KBTBD7: variants seen among roughly 807,000 people sequenced by gnomAD.
KBTBD7 encodes the protein kelch repeat and BTB domain-containing protein 7.
In KBTBD7, 25 loss-of-function variants were observed where a neutral mutation model predicts 50.3. That is an observed-to-expected ratio of 0.50 (90% CI 0.36 to 0.69). KBTBD7 has a LOEUF of 0.69. Among genes scored for constraint, KBTBD7 ranks in the 30% least tolerant of loss-of-function variants. The probability of loss-of-function intolerance (pLI) is 0.00; values close to 1 mark genes in which losing one functional copy is unlikely to be tolerated. For synonymous variants in KBTBD7, 305 were observed against 325.3 expected (o/e 0.94, Z 0.67); for missense variants, 653 against 869.5 (o/e 0.75, Z 3.13).
Position 41,193,266 on chromosome 13 carries a change from G to A in KBTBD7, c.992C>T (p.Ala331Val). 2 of 1,613,170 alleles carry A rather than the reference G, an allele frequency of 1.2e-6. No individual in the cohort carries two copies. The highest frequency in any genetic ancestry group is 1.7e-6 in the Non-Finnish European group (2 of 1,179,444). The change falls in exon 1 of 1, where the codon GCA (alanine) becomes GTA (valine). Residue 331 changes from alanine (A) to valine (V), a missense_variant. Transcript: ENST00000379483. The surrounding 1 kb of genome is among the most constrained non-coding windows in gnomAD (Gnocchi z 5.7). Reference protein sequence around the residue: ...SSSSNSLVSAAENPPQRLGMC... With the variant: ...SSSSNSLVSAVENPPQRLGMC... ...ACCCAGTCTCTGGGGTGGATTTTCT[G>A]CTGCAGATACAAGAGAGTTGCTGCT... is the stretch of plus-strand genomic sequence containing the variant.
chr13:41,192,538 T>C lies in KBTBD7; in HGVS notation c.1720A>G (p.Thr574Ala), dbSNP rs775435165. The stretch of plus-strand genomic sequence containing the variant: ...CGGTTCTTTTTCCATTGTGGGGTTG[T>C]AGAAGTGATGAGAAGCAACTTTTGG... ...HDQKLLLITS[T>A]TPQWKKNRVT... Residue 574 changes from threonine to alanine, a missense_variant, in exon 1 of 1, where the codon ACA becomes GCA. This residue lies in a region of KBTBD7 where 526 missense variants were observed against 717.1 expected (regional missense o/e 0.73). Transcript: ENST00000379483. 1.9e-6 allele frequency: 3 copies of C among 1,614,240 alleles called. No homozygotes were observed. Among genetic ancestry groups the C allele is most frequent in the Non-Finnish European group, 2.5e-6 (3 of 1,180,048 alleles).
At position 41,192,581 on chromosome 13, in the gene KBTBD7, G is replaced by A. The variant is rs2031419695; in HGVS notation, c.1677C>T (p.Tyr559=). Residue 559 remains tyrosine, a synonymous_variant, in exon 1 of 1, where the codon TAC becomes TAT. Transcript: ENST00000379483. The stretch of plus-strand genomic sequence containing the variant: ...ACTTTTGGTCATGATTGACAATCTG[G>A]TAGTTGTGGGTCTCTGAATCCAAAG... ...NIPLDSETHN[Y]QIVNHDQKLL... is the part of the protein sequence containing the mutation. 1 of 1,614,024 alleles carries A rather than the reference G, an allele frequency of 6.2e-7. No homozygotes were observed.
rs1365658621 is a variant in KBTBD7, at chr13:41,189,997, G to GT, written c.*2205dup. 2 of 152,080 alleles carry GT rather than the reference G, an allele frequency of 1.3e-5. No homozygotes were observed. The highest frequency in any genetic ancestry group is 4.8e-5 in the African/African-American group (2 of 41,414). 9.4% of individuals were successfully genotyped at this position (152,080 alleles called of 1,614,324 possible). A position where few individuals can be genotyped will look rare whatever the true frequency, so the allele number is the denominator to read the frequency against. Reference sequence around the variant, plus strand: ...AAGACATTCCCACTATTTAGACTAGGTTTTAACTCAAAGGTTAAGAACTCA... The same window carrying GT: ...AAGACATTCCCACTATTTAGACTAGGTTTTTAACTCAAAGGTTAAGAACTCA... On this transcript the variant is annotated 3_prime_UTR_variant, in exon 1 of 1. Transcript: ENST00000379483.
At position 41,193,953 on chromosome 13, in the gene KBTBD7, C is replaced by T; in HGVS notation, c.305G>A (p.Gly102Asp). Reference sequence around the variant, plus strand: ...GGCCTGCTGGCTCTCGTACATGCCACCTGTGAACATGCTCTTGAAGTAGGG... The same window carrying T: ...GGCCTGCTGGCTCTCGTACATGCCATCTGTGAACATGCTCTTGAAGTAGGG... Reference protein sequence around the residue: ...ACPYFKSMFTGGMYESQQASV... With the variant: ...ACPYFKSMFTDGMYESQQASV... The change falls in exon 1 of 1, where the codon GGT becomes GAT. Residue 102 changes from glycine (G) to aspartate (D), a missense_variant. By Grantham distance (94) the Gly-to-Asp change is moderately conservative (BLOSUM62 -1). Around this residue, in one of 3 missense-constraint regions of KBTBD7, gnomAD observed 8 missense variants for 27.4 expected, o/e 0.29. Transcript: ENST00000379483. This position sits in a 1 kb window ranked among gnomAD's most constrained non-coding sequence, Gnocchi z 5.7. 1 of 1,614,012 alleles carries T rather than the reference C, an allele frequency of 6.2e-7. No individual in the cohort carries two copies. The highest frequency in any genetic ancestry group is 8.5e-7 in the Non-Finnish European group (1 of 1,179,930).
chr13:41,193,322 C>T lies in KBTBD7; in HGVS notation c.936G>A (p.Val312=), dbSNP rs2031440683. The change falls in exon 1 of 1, where the codon GTG becomes GTA. Residue 312 remains valine (V), a synonymous_variant. Transcript: ENST00000379483. This position sits in a 1 kb window ranked among gnomAD's most constrained non-coding sequence, Gnocchi z 5.7. The part of the protein sequence containing the change: ...RYGDLLYKSL[V]PVPNSSSSSS... ...TGCTGCTGCTGCTGTTTGGCACTGG[C>T]ACCAGAGACTTGTACAACAGGTCAC... 1 of 1,611,756 alleles carries T rather than the reference C, an allele frequency of 6.2e-7. No homozygotes were observed. Among genetic ancestry groups the T allele is most frequent in the East Asian group, 2.2e-5 (1 of 44,868 alleles).
At position 41,192,472 on chromosome 13, in the gene KBTBD7, T is replaced by C; in HGVS notation, c.1786A>G (p.Ile596Val). The C allele has an allele frequency of 6.2e-7, 1 of 1,614,230 alleles. No homozygotes were observed. The highest frequency in any genetic ancestry group is 8.5e-7 in the Non-Finnish European group (1 of 1,180,046). ...AGGCCTAACATGGTACCTATATTAA[T>C]CCACTGATCTTCCCTAGTATCATAC... ...YEYDTREDQW[I>V]NIGTMLGLLQ... Residue 596 changes from isoleucine (I) to valine (V), a missense_variant, in exon 1 of 1, where the codon ATT (isoleucine) becomes GTT (valine). Transcript: ENST00000379483.
chr13:41,193,536 T>C lies in KBTBD7; in HGVS notation c.722A>G (p.His241Arg), dbSNP rs779122641. Residue 241 changes from histidine to arginine, a missense_variant, in exon 1 of 1, where the codon CAT becomes CGT. By Grantham distance (29) the His-to-Arg change is conservative. Transcript: ENST00000379483. This position sits in a 1 kb window ranked among gnomAD's most constrained non-coding sequence, Gnocchi z 5.7. ...LDIESERTVC[H>R]VAVQWLEAAA... ...AGCCTCCAGCCACTGCACAGCTACA[T>C]GGCATACAGTCCGCTCACTCTCTAT... 1.7e-5 allele frequency: 28 copies of C among 1,614,076 alleles called. No individual in the cohort carries two copies. In the South Asian group the frequency reaches 2.4e-4, roughly 14 times the overall value.
Position 41,192,665 on chromosome 13 carries a change from G to A in KBTBD7, c.1593C>T (p.Ile531=). The change falls in exon 1 of 1, where the codon ATC becomes ATT. Residue 531 remains isoleucine (I), a synonymous_variant. Coordinates refer to ENST00000379483, the MANE Select transcript of KBTBD7 (RefSeq NM_032138.7). Reference sequence around the variant, plus strand: ...CTGGGTTGTAGACCTTCATGACTGGGATGTCACAGATACAATAGATTTCAT... The same window carrying A: ...CTGGGTTGTAGACCTTCATGACTGGAATGTCACAGATACAATAGATTTCAT... The part of the protein sequence containing the change: ...FNDEIYCICD[I]PVMKVYNPAR... The A allele has an allele frequency of 6.2e-7, 1 of 1,614,130 alleles. No individual in the cohort carries two copies. The highest frequency in any genetic ancestry group is 1.6e-4 in the Middle Eastern group (1 of 6,062).
In KBTBD7 at chr13:41,192,165, C is replaced by T. The variant is rs377194145; in HGVS notation, c.*38G>A. Reference sequence around the variant, plus strand: ...AACGATATGTGTTTAAAATACATTCCGTAGCAGTAGAAACATCTTAGTGTC... The same window carrying T: ...AACGATATGTGTTTAAAATACATTCTGTAGCAGTAGAAACATCTTAGTGTC... On this transcript the variant is annotated 3_prime_UTR_variant, in exon 1 of 1. Coordinates refer to ENST00000379483, the MANE Select transcript of KBTBD7 (RefSeq NM_032138.7). The T allele has an allele frequency of 3.9e-6, 6 of 1,550,170 alleles. No individual in the cohort carries two copies. Among genetic ancestry groups the T allele is most frequent in the East Asian group, 2.3e-5 (1 of 44,402 alleles).
In KBTBD7 at chr13:41,192,329, T is replaced by C; in HGVS notation, c.1929A>G (p.Glu643=). ...GCTCACTGAATCCATCTAAGTCCCATTCAGTACTAGACTCACTCCGTGCAT... is the reference window on the plus strand; with the variant it reads ...GCTCACTGAATCCATCTAAGTCCCACTCAGTACTAGACTCACTCCGTGCAT... ...EDDARSESST[E]WDLDGFSELD... is the part of the protein sequence containing the mutation. The change falls in exon 1 of 1, where the codon GAA becomes GAG. Residue 643 remains glutamate, a synonymous_variant. Coordinates refer to ENST00000379483, the MANE Select transcript of KBTBD7 (RefSeq NM_032138.7). 1.2e-6 allele frequency: 2 copies of C among 1,614,168 alleles called. No homozygotes were observed. The highest frequency in any genetic ancestry group is 1.7e-6 in the Non-Finnish European group (2 of 1,180,018).
rs1489194413 is a variant in KBTBD7, at chr13:41,190,784, C to T, written c.*1419G>A. 1 of 152,124 alleles carries T rather than the reference C, an allele frequency of 6.6e-6. No individual in the cohort carries two copies. Among genetic ancestry groups the T allele is most frequent in the Non-Finnish European group, 1.5e-5 (1 of 67,978 alleles). 9.4% of individuals were successfully genotyped at this position (152,124 alleles called of 1,614,324 possible). The stretch of plus-strand genomic sequence containing the variant: ...CCCCTTACATATGGTGACAGAGAGA[C>T]TGAAACATTGTTCACAGAGAAACAC... On this transcript the variant is annotated 3_prime_UTR_variant, in exon 1 of 1. Coordinates refer to ENST00000379483, the MANE Select transcript of KBTBD7 (RefSeq NM_032138.7).
rs1022926893 is a variant in KBTBD7 at position 41,192,120 on chromosome 13, C to G, written c.*83G>C. On this transcript the variant is annotated 3_prime_UTR_variant, in exon 1 of 1. Coordinates refer to ENST00000379483, the MANE Select transcript of KBTBD7 (RefSeq NM_032138.7). ...AAACCAAATCTGTGGTCCTAATCAA[C>G]TTTTTTTCCAAGAAAAAGAAACGAT... 3.5e-6 allele frequency: 5 copies of G among 1,421,924 alleles called. No homozygotes were observed. The African/African-American group carries it at 7.2e-5, about 20-fold the overall frequency. The allele number at this position is 1,421,924 out of a possible 1,614,324, so 88.1% of individuals were successfully genotyped here. A position where few individuals can be genotyped will look rare whatever the true frequency, so the allele number is the denominator to read the frequency against.
At position 41,194,011 on chromosome 13, in the gene KBTBD7, A is replaced by T; in HGVS notation, c.247T>A (p.Ser83Thr). 1 of 1,614,176 alleles carries T rather than the reference A, an allele frequency of 6.2e-7. No individual in the cohort carries two copies. The highest frequency in any genetic ancestry group is 8.5e-7 in the Non-Finnish European group (1 of 1,180,034). ...GSGPGTGRLF[S>T]CNRNVLAAAC... ...GCTGCTAGCACGTTGCGATTGCAGG[A>T]AAAGAGGCGACCCGTGCCAGGCCCG... The change falls in exon 1 of 1, where the codon TCC (serine) becomes ACC (threonine). Residue 83 changes from serine (S) to threonine (T), a missense_variant. By Grantham distance (58) the Ser-to-Thr change is moderately conservative (BLOSUM62 1). Coordinates refer to ENST00000379483, the MANE Select transcript of KBTBD7 (RefSeq NM_032138.7).
Position 41,192,539 on chromosome 13 carries a change from A to G in KBTBD7, c.1719T>C (p.Ser573=), listed in dbSNP as rs2031418922. 6.2e-7 allele frequency: 1 copy of G among 1,614,232 alleles called. No individual in the cohort carries two copies. Among genetic ancestry groups the G allele is most frequent in the Non-Finnish European group, 8.5e-7 (1 of 1,180,044 alleles). The change falls in exon 1 of 1, where the codon TCT becomes TCC. Residue 573 remains serine (S), a synonymous_variant. Transcript: ENST00000379483. ...NHDQKLLLIT[S]TTPQWKKNRV... ...GGTTCTTTTTCCATTGTGGGGTTGT[A>G]GAAGTGATGAGAAGCAACTTTTGGT...
At position 41,193,529 on chromosome 13, in the gene KBTBD7, A is replaced by T. The variant is rs2031447833; in HGVS notation, c.729T>A (p.Ala243=). ...TGGCAGCAGCCTCCAGCCACTGCAC[A>T]GCTACATGGCATACAGTCCGCTCAC... ...IESERTVCHV[A]VQWLEAAAKE... Residue 243 remains alanine (A), a synonymous_variant, in exon 1 of 1, where the codon GCT becomes GCA. Transcript: ENST00000379483. This position sits in a 1 kb window ranked among gnomAD's most constrained non-coding sequence, Gnocchi z 5.7. 1.2e-6 allele frequency: 2 copies of T among 1,614,224 alleles called. No homozygotes were observed. The highest frequency in any genetic ancestry group is 1.7e-6 in the Non-Finnish European group (2 of 1,180,042).
Position 41,190,563 on chromosome 13 carries a change from TAAAG to T in KBTBD7, c.*1636_*1639del, listed in dbSNP as rs2031360578. ...GAAGAGGAATTAGCATGTTATTGAA[TAAAG>T]AATCAGGAAGATAATTCTAATTGGG... On this transcript the variant is annotated 3_prime_UTR_variant, in exon 1 of 1. Transcript: ENST00000379483. 6.6e-6 allele frequency: 1 copy of T among 152,176 alleles called. No individual in the cohort carries two copies. Among genetic ancestry groups the T allele is most frequent in the Non-Finnish European group, 1.5e-5 (1 of 67,994 alleles). 9.4% of individuals were successfully genotyped at this position (152,176 alleles called of 1,614,324 possible).
At position 41,192,499 on chromosome 13, in the gene KBTBD7, C is replaced by T. The variant is rs779515656; in HGVS notation, c.1759G>A (p.Glu587Lys). ...CACTGATCTTCCCTAGTATCATACT[C>T]ATACACTGTCACTCGGTTCTTTTTC... ...QWKKNRVTVY[E>K]YDTREDQWIN... The change falls in exon 1 of 1, where the codon GAG becomes AAG. Residue 587 changes from glutamate to lysine, a missense_variant. Around this residue, in one of 3 missense-constraint regions of KBTBD7, gnomAD observed 526 missense variants for 717.1 expected, o/e 0.73. Coordinates refer to ENST00000379483, the MANE Select transcript of KBTBD7 (RefSeq NM_032138.7). 3 of 1,614,228 alleles carry T rather than the reference C, an allele frequency of 1.9e-6. No individual in the cohort carries two copies. The highest frequency in any genetic ancestry group is 3.3e-5 in the Admixed American group (2 of 60,030).
chr13:41,193,106 G>C lies in KBTBD7; in HGVS notation c.1152C>G (p.Ser384=), dbSNP rs2031433701. 1 of 1,614,218 alleles carries C rather than the reference G, an allele frequency of 6.2e-7. No homozygotes were observed. Among genetic ancestry groups the C allele is most frequent in the Non-Finnish European group, 8.5e-7 (1 of 1,180,036 alleles). ...TSFAHTKTVT[S]SAVCVSPDHD... ...GGTCTGGGGACACACAGACAGCTGA[G>C]GAGGTGACAGTCTTAGTGTGAGCAA... The change falls in exon 1 of 1, where the codon TCC becomes TCG. Residue 384 remains serine, a synonymous_variant. Transcript: ENST00000379483. This position sits in a 1 kb window ranked among gnomAD's most constrained non-coding sequence, Gnocchi z 5.7.
rs1029471859 is a variant in KBTBD7, at chr13:41,190,690, G to A, written c.*1513C>T. Reference sequence around the variant, plus strand: ...ATATGTATTAATAAACCTTCAAAAGGTAAGCACCTATATTTTCTTGTAATT... The same window carrying A: ...ATATGTATTAATAAACCTTCAAAAGATAAGCACCTATATTTTCTTGTAATT... On this transcript the variant is annotated 3_prime_UTR_variant, in exon 1 of 1. Coordinates refer to ENST00000379483, the MANE Select transcript of KBTBD7 (RefSeq NM_032138.7). 1 of 152,036 alleles carries A rather than the reference G, an allele frequency of 6.6e-6. No individual in the cohort carries two copies. The highest frequency in any genetic ancestry group is 2.4e-5 in the African/African-American group (1 of 41,390). 9.4% of individuals were successfully genotyped at this position (152,036 alleles called of 1,614,324 possible).
Sources: gnomAD v4.1 joint callset for allele counts on GRCh38, gnomAD v4.1.1 for gene constraint, gnomAD v4.1.1 regional missense constraint, Gnocchi (gnomAD v3.1) non-coding constraint, MANE v1.5 for transcripts, NCBI Gene and HGNC (gene_info 2026-07-23, HGNC 2026-07-21) for gene names.